The following LCOR variants were observed in gnomAD, a reference collection of about 807,000 sequenced individuals.
LCOR encodes the protein ligand-dependent corepressor.
In LCOR, 14 loss-of-function variants were observed where a neutral mutation model predicts 64.4. That is an observed-to-expected ratio of 0.22 (90% CI 0.14 to 0.34). The LOEUF (loss-of-function observed/expected upper bound fraction) is 0.34. Among genes scored for constraint, LCOR ranks in the 10% least tolerant of loss-of-function variants. The pLI is 1.00. For synonymous variants in LCOR, 643 were observed against 642.5 expected (o/e 1.00, Z -0.01); for missense variants, 1,686 against 1,765.3 (o/e 0.96, Z 0.80).
intron 4 of LCOR, among the ~76,000 whole-genome samples, chr10:96,931,265 GCT>G (rs1847254580): frequency 6.9e-6 from 1 of 144,840 alleles, no homozygotes; most frequent in Non-Finnish European, 1.5e-5. Context: ...ATGGAGTCTT[GCT>G]CTGTTTCCCA....
intron 2 of LCOR, among the ~76,000 whole-genome samples, chr10:96,879,822 C>G (rs1846231445): frequency 6.6e-6 from 1 of 152,164 alleles, no homozygotes. Context: ...GCCACCATGC[C>G]CAGCTAATCT....
rs1208672189 is a variant in LCOR, at chr10:96,970,653, A to ATTTTATTTATTTTATTTTATTTAT, written c.333-10137_333-10136insTATTTATTTTATTTTATTTATTTT. ...ATTTTATTTTATTTTATTTTATTTT[A>ATTTTATTTATTTTATTTTATTTAT]TTTATTTTATTTTATTTTATTTTAG... On this transcript the variant is annotated intron_variant, in intron 7 of 7. Coordinates refer to ENST00000421806, the MANE Select transcript of LCOR (RefSeq NM_001346516.2). 2.5e-3 allele frequency among the ~76,000 whole-genome samples: 357 copies of ATTTTATTTATTTTATTTTATTTAT among 140,864 alleles called. 3 individuals are homozygous for ATTTTATTTATTTTATTTTATTTAT. The highest frequency in any genetic ancestry group is 9.0e-3 in the African/African-American group (342 of 37,954). 92.4% of individuals were successfully genotyped at this position (140,864 alleles called of 152,430 possible). A position where few individuals can be genotyped will look rare whatever the true frequency, so the allele number is the denominator to read the frequency against.
intron 2 of LCOR, among the ~76,000 whole-genome samples, chr10:96,903,523 C>T (rs1196779013): frequency 6.6e-6 from 1 of 152,016 alleles, no homozygotes; most frequent in Non-Finnish European, 1.5e-5. Flanking sequence ...GCATTTCCTT[C>T]AGCACCTCTC....
intron 2 of LCOR, among the ~76,000 whole-genome samples, chr10:96,876,249 G>A (rs554927967): frequency 6.6e-6 from 1 of 152,338 alleles, no homozygotes; most frequent in East Asian, 1.9e-4. Flanking sequence ...GAGAGAGCAA[G>A]AGTGCCAGCT....
At chr10:96,970,371 T>C (rs1376305833) in intron 7 of LCOR, among the ~76,000 whole-genome samples, 1 of 152,000 alleles carries the variant, frequency 6.6e-6, no homozygotes, top group Non-Finnish European at 1.5e-5. Flanking sequence ...CACTTCAGCT[T>C]GGGCTACAGA....
In LCOR at chr10:96,987,903, G is replaced by T. The variant is rs903983191; in HGVS notation, c.*2769G>T. 1.3e-5 allele frequency: 2 copies of T among 152,178 alleles called. No homozygotes were observed. The highest frequency in any genetic ancestry group is 4.8e-5 in the African/African-American group (2 of 41,438). 9.4% of individuals were successfully genotyped at this position (152,178 alleles called of 1,614,324 possible). A position where few individuals can be genotyped will look rare whatever the true frequency, so the allele number is the denominator to read the frequency against. ...CTTCCCAGAGCCATCTTCAAGAATG[G>T]CTTACCACACCAGATGCAAAAGCAG... is the stretch of plus-strand genomic sequence containing the variant. On this transcript the variant is annotated 3_prime_UTR_variant, in exon 8 of 8. Transcript: ENST00000421806.
chr10:96,957,632 A>G (rs1847806581), intron 7 of LCOR: 1 of 985,258 alleles, frequency 1.0e-6, no homozygotes, highest in Non-Finnish European at 1.2e-6. Context: ...GATGGATACT[A>G]ACAGTTTGAG....
At chr10:96,835,346 A>G (rs1237042612) in intron 2 of LCOR, among the ~76,000 whole-genome samples, 4 of 152,220 alleles carry the variant, frequency 2.6e-5, no homozygotes, top group Non-Finnish European at 4.4e-5. Flanking sequence ...CCAAATTTCC[A>G]CTTTAAAGAT....
At chr10:96,858,209 G>A (rs1564605301) in intron 2 of LCOR, among the ~76,000 whole-genome samples, 1 of 152,168 alleles carries the variant, frequency 6.6e-6, no homozygotes, top group African/African-American at 2.4e-5. Flanking sequence ...GAATTGTGAT[G>A]AGACACTTGA....
At chr10:96,945,966 T>G (rs1847583640) in intron 5 of LCOR, among the ~76,000 whole-genome samples, 1 of 151,934 alleles carries the variant, frequency 6.6e-6, no homozygotes, top group Non-Finnish European at 1.5e-5. Context: ...GTTATAACCT[T>G]TAGGGGAGGA....
At chr10:96,920,687 T>C (rs1847055462) in intron 4 of LCOR, among the ~76,000 whole-genome samples, 1 of 141,106 alleles carries the variant, frequency 7.1e-6, no homozygotes, top group South Asian at 2.1e-4. Context: ...TTCATATATG[T>C]GTATATATGT....
At chr10:96,941,171 G>A (rs1589670718) in intron 4 of LCOR, among the ~76,000 whole-genome samples, 2 of 141,128 alleles carry the variant, frequency 1.4e-5, no homozygotes, top group African/African-American at 2.6e-5. Context: ...CGGACAGGGC[G>A]GCTGGCCAGG....
chr10:96,905,837 A>ATCC (rs1278398757), intron 2 of LCOR, among the ~76,000 whole-genome samples: 1 of 152,190 alleles, frequency 6.6e-6, no homozygotes, highest in Non-Finnish European at 1.5e-5. Flanking sequence ...GATATATCAT[A>ATCC]TAGTATAGAA....
chr10:96,919,747 T>C (rs918904403), intron 4 of LCOR, among the ~76,000 whole-genome samples: 11 of 152,214 alleles, frequency 7.2e-5, no homozygotes, highest in African/African-American at 2.4e-4. Flanking sequence ...TAGAATCATA[T>C]AGTATTTGTC....
At chr10:96,853,295 G>A (rs892925657) in intron 2 of LCOR, among the ~76,000 whole-genome samples, 7 of 152,120 alleles carry the variant, frequency 4.6e-5, no homozygotes, top group African/African-American at 1.4e-4. Flanking sequence ...TGATCTGCCC[G>A]CCTCAGCCTC....
intron 4 of LCOR, among the ~76,000 whole-genome samples, chr10:96,911,005 G>A (rs1222628169): frequency 6.6e-6 from 1 of 151,986 alleles, no homozygotes; most frequent in Non-Finnish European, 1.5e-5. Flanking sequence ...CTTCAGGATC[G>A]CGCAGAAGTT....
chr10:96,907,539 G>A (rs1846750325), intron 3 of LCOR, 129 bp from the exon 4 acceptor site: 2 of 259,574 alleles, frequency 7.7e-6, no homozygotes, highest in Non-Finnish European at 1.2e-5. Context: ...GAATTTAAGA[G>A]TTAAAATTTT....
At chr10:96,844,899 GA>G in intron 2 of LCOR, among the ~76,000 whole-genome samples, 1 of 152,254 alleles carries the variant, frequency 6.6e-6, no homozygotes, top group Non-Finnish European at 1.5e-5. Context: ...AGACCTCAAG[GA>G]AGTGTGGGGT....
chr10:96,972,701 G>C (rs1370087545), intron 7 of LCOR, among the ~76,000 whole-genome samples: 1 of 152,132 alleles, frequency 6.6e-6, no homozygotes, highest in Non-Finnish European at 1.5e-5. Context: ...ATATTTAGGA[G>C]ATCTACTCTG....
Sources: gnomAD v4.1 joint callset for allele counts (sites outside exome capture counted in the v4.1 genomes callset) on GRCh38, gnomAD v4.1.1 for gene constraint, MANE v1.5 for transcripts, NCBI Gene and HGNC (gene_info 2026-07-23, HGNC 2026-07-21) for gene names.